Variants in CEP128 observed in about 807,000 individuals in gnomAD.
CEP128 encodes the protein centrosomal protein 128.
A neutral mutation model predicts 156.7 loss-of-function variants in CEP128; 132 were observed. The observed-to-expected ratio is 0.84, with a 90% CI of 0.73 to 0.97. CEP128 has a LOEUF of 0.97. CEP128 is among the 50% of genes least tolerant of loss of function. The pLI is 0.00. For missense variants in CEP128, 1,252 were observed against 1,281.9 expected, an observed-to-expected ratio of 0.98 and a Z score of 0.36; for synonymous variants, 469 against 448.9, an observed-to-expected ratio of 1.04 and a Z score of -0.57.
In CEP128 at chr14:80,832,210, T is replaced by C. The variant is rs937354527; in HGVS notation, c.1058-916A>G. On this transcript the variant is annotated intron_variant, in intron 12 of 24. Transcript: ENST00000555265. ...GGAACTGTGAGTCCATTAAACCTCT[T>C]TCCTTTATAAATTACCCAGTCTCAA... Among the ~76,000 whole-genome samples the C allele has an allele frequency of 1.1e-4, 17 of 152,358 alleles. 2 individuals carry two copies. Among genetic ancestry groups the C allele is most frequent in the Admixed American group, 7.2e-4 (11 of 15,300 alleles).
Position 80,791,541 on chromosome 14 carries a change from G to A in CEP128, c.1560+1219C>T, listed in dbSNP as rs575516224. Among the ~76,000 whole-genome samples, 8 of 152,024 alleles carry A rather than the reference G, an allele frequency of 5.3e-5. No homozygotes were observed. The East Asian group carries it at 7.7e-4, about 15-fold the overall frequency. On this transcript the variant is annotated intron_variant, in intron 14 of 24. Transcript: ENST00000555265. ...ATCAATTCTCTCAACCACTCCTCTC[G>A]CTAGCTACCTACCTACCTTACAGTC...
intron 4 of CEP128, among the ~76,000 whole-genome samples, chr14:80,912,316 T>C (rs1244826862): frequency 6.6e-6 from 1 of 152,184 alleles, no homozygotes; most frequent in Non-Finnish European, 1.5e-5. Flanking sequence ...AAAATTGCTT[T>C]CTTAACATTA....
chr14:80,724,932 C>CTA (rs57931334), intron 19 of CEP128, among the ~76,000 whole-genome samples: 9,627 of 146,556 alleles, frequency 0.066, 1,021 homozygotes, highest in African/African-American at 0.23. Context: ...TGGGCACCTA[C>CTA]TATATATATA....
rs1025341506 is a variant in CEP128 at position 80,742,941 on chromosome 14, G to C, written c.2806+134C>G. ...TCCCAGAAATGAAGAAAGATAAGAA[G>C]ACAAAGACAAGAAAAGGAGATGGGC... On this transcript the variant is annotated intron_variant, in intron 19 of 24. Transcript: ENST00000555265. 9 of 727,742 alleles carry C rather than the reference G, an allele frequency of 1.2e-5. No individual in the cohort carries two copies. In the Admixed American group the frequency reaches 1.6e-4, roughly 13 times the overall value. The allele number at this position is 727,742 out of a possible 1,614,324, so 45.1% of individuals were successfully genotyped here.
chr14:80,874,742 T>A (rs908599109), intron 8 of CEP128, among the ~76,000 whole-genome samples: 1 of 152,102 alleles, frequency 6.6e-6, no homozygotes, highest in African/African-American at 2.4e-5. Context: ...CTCAGCCTCC[T>A]GAGTAGCTGG....
intron 14 of CEP128, among the ~76,000 whole-genome samples, chr14:80,787,942 T>C (rs1282032417): frequency 6.6e-6 from 1 of 152,206 alleles, no homozygotes; most frequent in African/African-American, 2.4e-5. Flanking sequence ...TGCTACTCTA[T>C]AACTCTCCAT....
At chr14:80,716,505 T>C (rs1897611302) in intron 19 of CEP128, among the ~76,000 whole-genome samples, 2 of 152,204 alleles carry the variant, frequency 1.3e-5, no homozygotes, top group African/African-American at 4.8e-5. Flanking sequence ...CCACATAATA[T>C]GTGTTCCCTT....
intron 4 of CEP128, among the ~76,000 whole-genome samples, chr14:80,910,304 C>G (rs1884132621): frequency 6.6e-6 from 1 of 152,156 alleles, no homozygotes; most frequent in Non-Finnish European, 1.5e-5. Context: ...GATCTGGGTC[C>G]TCACCGAATT....
At chr14:80,932,668 T>C (rs1885535377) in intron 2 of CEP128, among the ~76,000 whole-genome samples, 1 of 152,110 alleles carries the variant, frequency 6.6e-6, no homozygotes, top group African/African-American at 2.4e-5. Flanking sequence ...AAAAAAAAGC[T>C]CAGGGCTCCC....
chr14:80,907,369 T>C (rs939496920), intron 4 of CEP128, among the ~76,000 whole-genome samples: 1 of 152,058 alleles, frequency 6.6e-6, no homozygotes, highest in Non-Finnish European at 1.5e-5. Flanking sequence ...GCCAGCCAGC[T>C]ATAAGATGCA....
chr14:80,775,016 T>G (rs748437088), intron 16 of CEP128, among the ~76,000 whole-genome samples: 11 of 152,292 alleles, frequency 7.2e-5, no homozygotes, highest in Middle Eastern at 6.8e-3. Context: ...ATTCCATATA[T>G]GCCAATTGGT....
At chr14:80,927,985 T>G (rs749122313) in intron 2 of CEP128, among the ~76,000 whole-genome samples, 12 of 152,134 alleles carry the variant, frequency 7.9e-5, no homozygotes, top group Non-Finnish European at 1.6e-4. Flanking sequence ...GAGAAAGCCA[T>G]CACACAAAGA....
intron 8 of CEP128, chr14:80,894,554 A>C: frequency 2.3e-6 from 1 of 439,374 alleles, no homozygotes; most frequent in Non-Finnish European, 4.5e-6. Context: ...TTATGCAAAA[A>C]AAAAATATAT....
chr14:80,681,007 GTATATACCATGCTGGC>G (rs143631103), intron 19 of CEP128, among the ~76,000 whole-genome samples: 3,715 of 151,932 alleles, frequency 0.024, 157 homozygotes, highest in African/African-American at 0.083. Context: ...TATACTATAC[GTATATACCATGCTGGC>G]TATATACCAT....
chr14:80,583,199 A>G (rs1891661146), intron 19 of CEP128, among the ~76,000 whole-genome samples: 1 of 152,254 alleles, frequency 6.6e-6, no homozygotes, highest in Non-Finnish European at 1.5e-5. Flanking sequence ...GATGCCAATG[A>G]CAATGCTTGA....
intron 19 of CEP128, among the ~76,000 whole-genome samples, chr14:80,612,472 C>T (rs891863106): frequency 2.6e-5 from 4 of 152,144 alleles, no homozygotes; most frequent in African/African-American, 7.2e-5. Flanking sequence ...CAGATCAGAA[C>T]ATTATAATTC....
intron 13 of CEP128, chr14:80,822,515 G>A: frequency 1.6e-6 from 1 of 634,946 alleles, no homozygotes. Flanking sequence ...CCTACATCCT[G>A]CCGCCACCAT....
intron 19 of CEP128, among the ~76,000 whole-genome samples, chr14:80,691,532 A>G (rs927685893): frequency 6.6e-6 from 1 of 152,170 alleles, no homozygotes; most frequent in African/African-American, 2.4e-5. Flanking sequence ...CAGGGAGAGA[A>G]AGAAAGAAAG....
Position 80,908,354 on chromosome 14 carries a change from TTTCTC to T in CEP128, c.235-2278_235-2274del, listed in dbSNP as rs143732174. 8.3e-3 allele frequency among the ~76,000 whole-genome samples: 1,268 copies of T among 152,296 alleles called. 13 individuals carry two copies. Among genetic ancestry groups the T allele is most frequent in the Non-Finnish European group, 0.01 (684 of 68,022 alleles). Reference sequence around the variant, plus strand: ...TTTACCAAATGCTGTTATGTCTTCTTTTCTCTTCTATATTTTTTCAATCTTTCATT... The same window carrying T: ...TTTACCAAATGCTGTTATGTCTTCTTTTCTATATTTTTTCAATCTTTCATT... On this transcript the variant is annotated intron_variant, in intron 4 of 24. Transcript: ENST00000555265.
Sources: gnomAD v4.1 joint callset for allele counts (sites outside exome capture counted in the v4.1 genomes callset) on GRCh38, gnomAD v4.1.1 for gene constraint, MANE v1.5 for transcripts, NCBI Gene and HGNC (gene_info 2026-07-23, HGNC 2026-07-21) for gene names.